BIRC6: variants seen among roughly 807,000 people sequenced by gnomAD.
BIRC6 encodes the protein dual E2 ubiquitin-conjugating enzyme/E3 ubiquitin-protein ligase BIRC6.
BIRC6 carries 98 observed loss-of-function variants against 503.3 expected under a neutral mutation model. That is an observed-to-expected ratio of 0.19 (90% CI 0.17 to 0.23). BIRC6 has a LOEUF of 0.23. BIRC6 is among the 10% of genes least tolerant of loss of function. The pLI, the probability that BIRC6 is intolerant of heterozygous loss-of-function variation, is 1.00. For missense variants in BIRC6, 5,360 were observed against 5,806.0 expected (o/e 0.92, Z 2.50); for synonymous variants, 2,240 against 2,078.7 (o/e 1.08, Z -2.11).
chr2:32,554,571 A>G (rs1037504779), intron 65 of BIRC6, among the ~76,000 whole-genome samples: 2 of 152,150 alleles, frequency 1.3e-5, no homozygotes, highest in Non-Finnish European at 2.9e-5. Context: ...TAAAGTATCT[A>G]CTGAATTGGC....
At chr2:32,473,456 T>C (rs945858605) in intron 33 of BIRC6, among the ~76,000 whole-genome samples, 1 of 152,160 alleles carries the variant, frequency 6.6e-6, no homozygotes, top group Non-Finnish European at 1.5e-5. Flanking sequence ...ACATTTACTG[T>C]TATACATCTC....
chr2:32,552,231 G>T (rs563251608), intron 65 of BIRC6, among the ~76,000 whole-genome samples: 1 of 152,172 alleles, frequency 6.6e-6, no homozygotes, highest in African/African-American at 2.4e-5. Flanking sequence ...TAGATACTTT[G>T]TAATCTTTAA....
intron 1 of BIRC6, among the ~76,000 whole-genome samples, chr2:32,373,806 C>G (rs956129941): frequency 4.6e-5 from 7 of 152,228 alleles, no homozygotes; most frequent in Non-Finnish European, 1.0e-4. Flanking sequence ...CATAGCAGCA[C>G]TCTTCGAAAT....
At chr2:32,502,524 C>T (rs934616649) in intron 47 of BIRC6, among the ~76,000 whole-genome samples, 13 of 151,960 alleles carry the variant, frequency 8.6e-5, no homozygotes, top group Non-Finnish European at 1.3e-4. Context: ...TTAAATGGTT[C>T]AAATTTTAAA....
intron 4 of BIRC6, among the ~76,000 whole-genome samples, chr2:32,389,804 C>T (rs1411032483): frequency 6.6e-6 from 1 of 152,096 alleles, no homozygotes; most frequent in Non-Finnish European, 1.5e-5. Flanking sequence ...TCAAGAGATT[C>T]TCCTGCCTCA....
At chr2:32,494,156 C>A (rs2052116274) in intron 45 of BIRC6, among the ~76,000 whole-genome samples, 1 of 151,918 alleles carries the variant, frequency 6.6e-6, no homozygotes, top group African/African-American at 2.4e-5. Context: ...ATGAATGCTT[C>A]AATATCATAT....
chr2:32,514,649 A>C (rs1379881321), intron 54 of BIRC6, among the ~76,000 whole-genome samples: 1 of 152,246 alleles, frequency 6.6e-6, no homozygotes, highest in Non-Finnish European at 1.5e-5. Flanking sequence ...AATTTAACGT[A>C]AACATTTGTT....
intron 65 of BIRC6, among the ~76,000 whole-genome samples, chr2:32,550,795 G>T (rs778488287): frequency 1.3e-5 from 2 of 152,168 alleles, no homozygotes; most frequent in East Asian, 3.9e-4. Flanking sequence ...AGTAATTGTT[G>T]TTCATGTAAG....
At chr2:32,594,190 T>A (rs2061543910) in intron 67 of BIRC6, 130 bp downstream of exon 67, 1 of 1,038,768 alleles carries the variant, frequency 9.6e-7, no homozygotes, top group Admixed American at 3.1e-5. Context: ...CTAAAAATTT[T>A]GTTCTCTGTT....
chr2:32,458,057 G>A (rs1467469547), intron 23 of BIRC6, among the ~76,000 whole-genome samples: 1 of 152,072 alleles, frequency 6.6e-6, no homozygotes, highest in Admixed American at 6.6e-5. Context: ...GAATTCTATA[G>A]GGATTCTAAG....
At chr2:32,494,771 G>T (rs1463836903) in intron 45 of BIRC6, among the ~76,000 whole-genome samples, 1 of 151,978 alleles carries the variant, frequency 6.6e-6, no homozygotes, top group African/African-American at 2.4e-5. Context: ...ATTAGCTAGG[G>T]TGTGGGTATA....
chr2:32,586,736 T>C (rs1324003335), intron 66 of BIRC6, among the ~76,000 whole-genome samples: 2 of 152,138 alleles, frequency 1.3e-5, no homozygotes, highest in Non-Finnish European at 2.9e-5. Context: ...CAACCAGTCT[T>C]AATTACTGAA....
At position 32,357,362 on chromosome 2, in the gene BIRC6, C is replaced by T. The variant is rs1864536; in HGVS notation, c.201C>T (p.Ala67=). The change falls in exon 1 of 74, where the codon GCC becomes GCT. Residue 67 remains alanine (A), a synonymous_variant. Transcript: ENST00000421745. The surrounding 1 kb of genome is among the most constrained non-coding windows in gnomAD (Gnocchi z 4.9). ...GGGACGGCTGCATGCACTGCGACGCCGACGGGCTGCACAGCCTGTCCTACC... is the reference window on the plus strand; with the variant it reads ...GGGACGGCTGCATGCACTGCGACGCTGACGGGCTGCACAGCCTGTCCTACC... ...VLRDGCMHCD[A]DGLHSLSYHP... is the part of the protein sequence containing the mutation. The T allele has an allele frequency of 3.4e-5, 53 of 1,546,978 alleles. 1 individual carries two copies. In the East Asian group the frequency reaches 1.0e-3, roughly 29 times the overall value.
intron 65 of BIRC6, among the ~76,000 whole-genome samples, chr2:32,570,745 C>T (rs2150949163): frequency 6.6e-6 from 1 of 152,228 alleles, no homozygotes; most frequent in East Asian, 1.9e-4. Context: ...GTTTTCCACC[C>T]ACCTTGGCCT....
At chr2:32,411,881 C>A (rs2041928628) in intron 9 of BIRC6, among the ~76,000 whole-genome samples, 1 of 152,166 alleles carries the variant, frequency 6.6e-6, no homozygotes, top group African/African-American at 2.4e-5. Flanking sequence ...AAAGAATTTT[C>A]AGTTTAGCGT....
intron 10 of BIRC6, among the ~76,000 whole-genome samples, chr2:32,421,286 T>C (rs1377094050): frequency 6.6e-6 from 1 of 151,966 alleles, no homozygotes; most frequent in Non-Finnish European, 1.5e-5. Context: ...TTTGTATTTT[T>C]AGAAGAGACA....
chr2:32,457,819 A>G (rs573591138), intron 23 of BIRC6, among the ~76,000 whole-genome samples: 25 of 152,252 alleles, frequency 1.6e-4, no homozygotes, highest in African/African-American at 5.8e-4. Context: ...TCAAAGTTTT[A>G]TGAATAATCA....
intron 71 of BIRC6, among the ~76,000 whole-genome samples, chr2:32,606,218 G>A (rs1192397813): frequency 6.6e-6 from 1 of 152,160 alleles, no homozygotes; most frequent in East Asian, 1.9e-4. Context: ...CTTAATATAT[G>A]TTACATCTGG....
intron 66 of BIRC6, among the ~76,000 whole-genome samples, chr2:32,588,868 CTG>C (rs2061229831): frequency 6.6e-6 from 1 of 152,174 alleles, no homozygotes; most frequent in Non-Finnish European, 1.5e-5. Flanking sequence ...AATAGTCACT[CTG>C]TGAAGATGGG....
Sources: gnomAD v4.1 joint callset for allele counts (sites outside exome capture counted in the v4.1 genomes callset) on GRCh38, gnomAD v4.1.1 for gene constraint, Gnocchi (gnomAD v3.1) non-coding constraint, MANE v1.5 for transcripts, NCBI Gene and HGNC (gene_info 2026-07-23, HGNC 2026-07-21) for gene names.